STK24: variants seen among roughly 807,000 people sequenced by gnomAD.
STK24 encodes the protein serine/threonine kinase 24, also known as serine/threonine-protein kinase 24.
A neutral mutation model predicts 55.6 loss-of-function variants in STK24; 21 were observed. The observed-to-expected ratio is 0.38, with a 90% CI of 0.27 to 0.54. The LOEUF (loss-of-function observed/expected upper bound fraction) is 0.54. Ranked by LOEUF, STK24 falls within the 20% of genes least tolerant of loss-of-function variation. The pLI, the probability that STK24 is intolerant of heterozygous loss-of-function variation, is 0.79. For synonymous variants in STK24, 200 were observed against 215.2 expected, an observed-to-expected ratio of 0.93 and a Z score of 0.62; for missense variants, 383 against 538.4, an observed-to-expected ratio of 0.71 and a Z score of 2.86.
intron 1 of STK24, among the ~76,000 whole-genome samples, chr13:98,523,059 C>G (rs1301142274): frequency 6.6e-6 from 1 of 152,206 alleles, no homozygotes. Flanking sequence ...CCCCATCCTA[C>G]GAAGAATTTC....
intron 2 of STK24, among the ~76,000 whole-genome samples, chr13:98,499,013 G>A (rs1895347650): frequency 6.6e-6 from 1 of 152,014 alleles, no homozygotes; most frequent in Non-Finnish European, 1.5e-5. Flanking sequence ...TTGGGAGGCT[G>A]AAGCGGGTGG....
intron 1 of STK24, among the ~76,000 whole-genome samples, chr13:98,540,367 A>C (rs1228973147): frequency 6.6e-6 from 1 of 152,210 alleles, no homozygotes; most frequent in Admixed American, 6.5e-5. Flanking sequence ...ATGTATCAAT[A>C]AAGCTGTTTC....
rs1014162451 is a variant in STK24 at position 98,449,610 on chromosome 13, G to C, written c.*3563C>G. The C allele has an allele frequency of 2.6e-5, 4 of 152,610 alleles. No individual in the cohort carries two copies. The highest frequency in any genetic ancestry group is 2.6e-4 in the Admixed American group (4 of 15,274). 9.5% of individuals were successfully genotyped at this position (152,610 alleles called of 1,614,324 possible). ...CACCCTCTCTGTGGAGCTCTGACTG[G>C]TGTAGCTGGAAACAAACAGCAACTT... is the stretch of plus-strand genomic sequence containing the variant. On this transcript the variant is annotated 3_prime_UTR_variant, in exon 11 of 11. Coordinates refer to ENST00000539966, the MANE Select transcript of STK24 (RefSeq NM_001032296.4).
chr13:98,532,808 AG>A, intron 1 of STK24, among the ~76,000 whole-genome samples: 1 of 152,332 alleles, frequency 6.6e-6, no homozygotes, highest in Non-Finnish European at 1.5e-5. Flanking sequence ...CTACAATGTA[AG>A]TTCTTCCTAG....
intron 5 of STK24, among the ~76,000 whole-genome samples, chr13:98,469,369 C>T (rs780267889): frequency 3.3e-5 from 5 of 152,052 alleles, no homozygotes; most frequent in Non-Finnish European, 5.9e-5. Context: ...GCCAACATGG[C>T]GAAACCCCAT....
chr13:98,456,944 C>G (rs891250348), intron 10 of STK24: 4 of 607,776 alleles, frequency 6.6e-6, no homozygotes, highest in Non-Finnish European at 2.8e-6. Flanking sequence ...TACAAATGCA[C>G]TAAGTCCTGT....
Position 98,450,876 on chromosome 13 carries a change from C to T in STK24, c.*2297G>A, listed in dbSNP as rs1046692177. On this transcript the variant is annotated 3_prime_UTR_variant, in exon 11 of 11. Transcript: ENST00000539966. ...CATTGGGGCTGATTTTGTGCGTCTA[C>T]AGAAAGTAACAGCCCAGGAGAGAAT... The T allele has an allele frequency of 6.6e-6, 1 of 152,218 alleles. No individual in the cohort carries two copies. The highest frequency in any genetic ancestry group is 1.9e-4 in the East Asian group (1 of 5,192). The allele number at this position is 152,218 out of a possible 1,614,324, so 9.4% of individuals were successfully genotyped here. A position where few individuals can be genotyped will look rare whatever the true frequency, so the allele number is the denominator to read the frequency against.
In STK24 at chr13:98,571,681, GTAAC is replaced by G. The variant is rs368674130; in HGVS notation, c.42+5060_42+5063del. Among the ~76,000 whole-genome samples, 42 of 152,224 alleles carry G rather than the reference GTAAC, an allele frequency of 2.8e-4. 1 individual carries two copies. Among genetic ancestry groups the G allele is most frequent in the African/African-American group, 9.4e-4 (39 of 41,532 alleles). ...ACATAGGCAACTAACTAACAAAACA[GTAAC>G]TAACAGTAACTGAGTACTTATTACT... On this transcript the variant is annotated intron_variant, in intron 1 of 10. Coordinates refer to ENST00000539966, the MANE Select transcript of STK24 (RefSeq NM_001032296.4).
chr13:98,471,370 G>A (rs534097043), intron 5 of STK24, among the ~76,000 whole-genome samples: 3 of 152,198 alleles, frequency 2.0e-5, no homozygotes, highest in East Asian at 1.9e-4. Context: ...ACATACCATC[G>A]TAATGATCTT....
chr13:98,519,150 G>A (rs1250053265), intron 2 of STK24, 93 bp downstream of exon 2: 3 of 986,346 alleles, frequency 3.0e-6, no homozygotes, highest in South Asian at 1.5e-5. Flanking sequence ...TCTGAAACCT[G>A]CTGTGCTTTG....
At chr13:98,536,493 T>C (rs923456323) in intron 1 of STK24, among the ~76,000 whole-genome samples, 1 of 151,994 alleles carries the variant, frequency 6.6e-6, no homozygotes, top group Non-Finnish European at 1.5e-5. Context: ...GCCTCCCAAG[T>C]AGCTGAGACT....
intron 1 of STK24, among the ~76,000 whole-genome samples, chr13:98,521,421 G>C (rs760425732): frequency 3.3e-5 from 5 of 152,184 alleles, no homozygotes; most frequent in Non-Finnish European, 7.3e-5. Context: ...TACCAAGATA[G>C]TCAATGACCC....
intron 2 of STK24, among the ~76,000 whole-genome samples, chr13:98,510,282 G>A (rs1275965650): frequency 6.6e-6 from 1 of 152,180 alleles, no homozygotes; most frequent in Admixed American, 6.5e-5. Flanking sequence ...GGTAAAAGAA[G>A]CATCCTGTGA....
Position 98,446,807 on chromosome 13 carries a change from A to C in STK24, c.*6366T>G. On this transcript the variant is annotated 3_prime_UTR_variant, in exon 11 of 11. Coordinates refer to ENST00000539966, the MANE Select transcript of STK24 (RefSeq NM_001032296.4). ...CTACTTCAGGGCGGAAAGCGAGTAC[A>C]CGTTCGAAAGGTAGACACCCCCTTC... The C allele has an allele frequency of 6.2e-7, 1 of 1,614,080 alleles. No homozygotes were observed. Among genetic ancestry groups the C allele is most frequent in the Non-Finnish European group, 8.5e-7 (1 of 1,179,998 alleles).
In STK24 at chr13:98,451,671, C is replaced by T. The variant is rs1179002751; in HGVS notation, c.*1502G>A. The T allele has an allele frequency of 6.6e-6, 1 of 152,242 alleles. No homozygotes were observed. Among genetic ancestry groups the T allele is most frequent in the Non-Finnish European group, 1.5e-5 (1 of 68,094 alleles). The allele number at this position is 152,242 out of a possible 1,614,324, so 9.4% of individuals were successfully genotyped here. On this transcript the variant is annotated 3_prime_UTR_variant, in exon 11 of 11. Coordinates refer to ENST00000539966, the MANE Select transcript of STK24 (RefSeq NM_001032296.4). The stretch of plus-strand genomic sequence containing the variant: ...ACTAACTTCCTTGCTTCCAAAAATC[C>T]TGTCTTAACTCCACAAGAACTGGCA...
intron 2 of STK24, among the ~76,000 whole-genome samples, chr13:98,491,502 CAA>C (rs1895033413): frequency 6.6e-6 from 1 of 152,038 alleles, no homozygotes; most frequent in African/African-American, 2.4e-5. Flanking sequence ...TGAAATAACA[CAA>C]AGAGGAACAA....
intron 5 of STK24, among the ~76,000 whole-genome samples, chr13:98,474,593 T>C (rs1894292500): frequency 1.3e-5 from 2 of 152,022 alleles, no homozygotes; most frequent in South Asian, 2.1e-4. Flanking sequence ...AAACATAGCC[T>C]GAGTTAAAAA....
chr13:98,454,996 G>A (rs1566340199), intron 10 of STK24: 1 of 152,206 alleles, frequency 6.6e-6, no homozygotes, highest in Non-Finnish European at 1.5e-5. Context: ...AGGGTAAATA[G>A]GGTCAACCCC....
intron 1 of STK24, chr13:98,521,845 G>T: frequency 2.5e-6 from 2 of 795,686 alleles, no homozygotes; most frequent in Non-Finnish European, 4.6e-6. Flanking sequence ...CTGGGCTCTG[G>T]AGTCCATCCT....
Sources: gnomAD v4.1 joint callset for allele counts (sites outside exome capture counted in the v4.1 genomes callset) on GRCh38, gnomAD v4.1.1 for gene constraint, MANE v1.5 for transcripts, NCBI Gene and HGNC (gene_info 2026-07-23, HGNC 2026-07-21) for gene names.